SPATA16: variants seen among roughly 807,000 people sequenced by gnomAD.
The protein encoded by SPATA16 is spermatogenesis associated 16.
Under a neutral mutation model 63.3 loss-of-function variants are expected in SPATA16, and 36 were observed. The observed-to-expected ratio is 0.57, with a 90% CI of 0.44 to 0.75. SPATA16 has a LOEUF of 0.75. Ranked by LOEUF, SPATA16 falls within the 30% of genes least tolerant of loss-of-function variation. SPATA16 has a pLI of 0.00. For missense variants in SPATA16, 646 were observed against 679.3 expected (o/e 0.95, Z 0.54); for synonymous variants, 203 against 216.7 (o/e 0.94, Z 0.56).
At chr3:173,081,377 C>T (rs1736918695) in intron 2 of SPATA16, among the ~76,000 whole-genome samples, 1 of 152,150 alleles carries the variant, frequency 6.6e-6, no homozygotes, top group African/African-American at 2.4e-5. Context: ...ATGCTACTTG[C>T]CTCCAGCTGA....
chr3:172,893,615 A>G (rs1162335708), intron 10 of SPATA16, among the ~76,000 whole-genome samples: 1 of 152,230 alleles, frequency 6.6e-6, no homozygotes, highest in Middle Eastern at 3.2e-3. Flanking sequence ...GGGAAGAGCA[A>G]TTAAGTTATA....
At chr3:172,941,499 C>T (rs1447411278) in intron 6 of SPATA16, among the ~76,000 whole-genome samples, 2 of 152,174 alleles carry the variant, frequency 1.3e-5, no homozygotes, top group African/African-American at 4.8e-5. Flanking sequence ...GACTTCCCAA[C>T]AGCAATGACA....
At position 173,019,588 on chromosome 3, in the gene SPATA16, A is replaced by G. The variant is rs1735272212; in HGVS notation, c.759-13T>C. ...TAAAACAATGCTCCTGTAAAAAGGT[A>G]AAAGAAATGCAAATGTTATTTGGGT... On this transcript the variant is annotated splice_polypyrimidine_tract_variant and intron_variant, in intron 3 of 10. Coordinates refer to ENST00000351008, the MANE Select transcript of SPATA16 (RefSeq NM_031955.6). 2 of 1,611,398 alleles carry G rather than the reference A, an allele frequency of 1.2e-6. No individual in the cohort carries two copies. Among genetic ancestry groups the G allele is most frequent in the South Asian group, 1.1e-5 (1 of 91,032 alleles).
At position 173,139,985 on chromosome 3, in the gene SPATA16, AAAACAAAC is replaced by A. The variant is rs10606462; in HGVS notation, c.-19+1110_-19+1117del. Among the ~76,000 whole-genome samples the A allele has an allele frequency of 7.1e-3, 1,065 of 150,420 alleles. 11 individuals are homozygous for A. The highest frequency in any genetic ancestry group is 0.024 in the African/African-American group (961 of 40,648). ...GGGTGACAGAGCAAGACTCTGTCTCAAAACAAACAAACAAACAAACAAACAAACAAACA... is the reference window on the plus strand; with the variant it reads ...GGGTGACAGAGCAAGACTCTGTCTCAAAACAAACAAACAAACAAACAAACA... On this transcript the variant is annotated intron_variant, in intron 1 of 10. Transcript: ENST00000351008.
chr3:172,909,801 C>T (rs751617128), intron 10 of SPATA16, among the ~76,000 whole-genome samples: 6 of 152,040 alleles, frequency 3.9e-5, no homozygotes, highest in East Asian at 3.9e-4. Context: ...TGGTTTGTAA[C>T]GCAGCAATAG....
chr3:173,119,230 G>C (rs926168739), intron 1 of SPATA16, among the ~76,000 whole-genome samples: 2 of 152,066 alleles, frequency 1.3e-5, no homozygotes, highest in African/African-American at 4.8e-5. Context: ...CCTAGATGAC[G>C]GGTTGATAGC....
At chr3:173,118,641 A>G (rs1737973383) in intron 1 of SPATA16, among the ~76,000 whole-genome samples, 3 of 152,224 alleles carry the variant, frequency 2.0e-5, no homozygotes, top group Non-Finnish European at 4.4e-5. Flanking sequence ...TTTGTGGAGT[A>G]AATAGGAACA....
rs760704117 is a variant in SPATA16, at chr3:173,117,351, C to G, written c.381G>C (p.Leu127Phe). 20 of 1,614,034 alleles carry G rather than the reference C, an allele frequency of 1.2e-5. No individual in the cohort carries two copies. The highest frequency in any genetic ancestry group is 1.6e-5 in the Non-Finnish European group (19 of 1,180,006). Residue 127 changes from leucine to phenylalanine, a missense_variant, in exon 2 of 11, where the codon TTG (leucine) becomes TTC (phenylalanine). Coordinates refer to ENST00000351008, the MANE Select transcript of SPATA16 (RefSeq NM_031955.6). ...LKNIMDVEMK[L>F]VYIDEMGVRY... Reference sequence around the variant, plus strand: ...GAACACCCATTTCATCAATGTAGACCAACTTCATTTCCACATCCATTATGT... The same window carrying G: ...GAACACCCATTTCATCAATGTAGACGAACTTCATTTCCACATCCATTATGT...
chr3:173,049,217 C>T (rs998156598), intron 2 of SPATA16, 123 bp from the exon 3 acceptor site: 12 of 1,039,570 alleles, frequency 1.2e-5, no homozygotes, highest in South Asian at 3.3e-5. Flanking sequence ...ATATGTTTTG[C>T]GTATATGTTA....
intron 4 of SPATA16, among the ~76,000 whole-genome samples, chr3:172,995,318 A>G (rs546428964): frequency 6.6e-6 from 1 of 152,162 alleles, no homozygotes; most frequent in East Asian, 1.9e-4. Flanking sequence ...AGGTAATACT[A>G]TTATTATTAT....
chr3:172,956,671 T>A lies in SPATA16; in HGVS notation c.1081+6A>T. ...CAGCTGATAACTTGAAGATATTGAA[T>A]CTTACCTGTGTACATATACTCTGCA... On this transcript the variant is annotated splice_donor_region_variant and intron_variant, in intron 6 of 10. Transcript: ENST00000351008. The A allele has an allele frequency of 2.5e-6, 4 of 1,610,004 alleles. No homozygotes were observed. The highest frequency in any genetic ancestry group is 3.4e-6 in the Non-Finnish European group (4 of 1,178,570).
Position 173,063,688 on chromosome 3 carries a change from A to G in SPATA16, c.613-14594T>C, listed in dbSNP as rs1465672842. Among the ~76,000 whole-genome samples the G allele has an allele frequency of 2.6e-5, 4 of 152,340 alleles. No homozygotes were observed. The South Asian group carries it at 6.2e-4, about 24-fold the overall frequency. ...AATATATAAACTGCAGATTTACTAC[A>G]GATTTTTCCAATTTATATTTCCATT... On this transcript the variant is annotated intron_variant, in intron 2 of 10. Coordinates refer to ENST00000351008, the MANE Select transcript of SPATA16 (RefSeq NM_031955.6).
chr3:173,049,198 T>A, intron 2 of SPATA16, 104 bp from the exon 3 acceptor site: 1 of 1,307,270 alleles, frequency 7.6e-7, no homozygotes, highest in Non-Finnish European at 1.0e-6. Context: ...GTTTTGCTTA[T>A]GCTTGCTTAT....
At chr3:172,959,743 G>A (rs1733702500) in intron 5 of SPATA16, among the ~76,000 whole-genome samples, 1 of 149,310 alleles carries the variant, frequency 6.7e-6, no homozygotes, top group Non-Finnish European at 1.5e-5. Context: ...TTGAGGCTTT[G>A]AGCCTGTCCT....
chr3:173,117,054 A>C (rs974201983), intron 2 of SPATA16, 66 bp downstream of exon 2: 60 of 1,486,738 alleles, frequency 4.0e-5, no homozygotes, highest in Non-Finnish European at 5.4e-5. Context: ...AGAACCCCTC[A>C]ATGTAATTGC....
intron 4 of SPATA16, among the ~76,000 whole-genome samples, chr3:172,998,238 A>T (rs1189407113): frequency 1.3e-5 from 2 of 152,136 alleles, no homozygotes; most frequent in African/African-American, 4.8e-5. Flanking sequence ...TTTCTCATAT[A>T]GATCTTGTAC....
At chr3:173,044,543 G>C (rs904016823) in intron 3 of SPATA16, among the ~76,000 whole-genome samples, 3 of 152,116 alleles carry the variant, frequency 2.0e-5, no homozygotes, top group Non-Finnish European at 4.4e-5. Context: ...TCATAGGTTT[G>C]TTGAAATCCT....
chr3:172,983,734 AACACACACACACAAACACACACACTC>A (rs1734375342), intron 4 of SPATA16, among the ~76,000 whole-genome samples: 1 of 151,522 alleles, frequency 6.6e-6, no homozygotes, highest in Non-Finnish European at 1.5e-5. Flanking sequence ...CATTCAAGCC[AACACACACACACAAACACACACACTC>A]ACACACACAC....
At chr3:173,130,264 G>C (rs935465787) in intron 1 of SPATA16, among the ~76,000 whole-genome samples, 20 of 150,280 alleles carry the variant, frequency 1.3e-4, no homozygotes, top group Non-Finnish European at 7.4e-5. Context: ...GGAGGCTGAG[G>C]CAGGAGAATC....
Sources: gnomAD v4.1 joint callset for allele counts (sites outside exome capture counted in the v4.1 genomes callset) on GRCh38, gnomAD v4.1.1 for gene constraint, MANE v1.5 for transcripts, NCBI Gene and HGNC (gene_info 2026-07-23, HGNC 2026-07-21) for gene names.